The following PPIL4 variants were observed in gnomAD, a reference collection of about 807,000 sequenced individuals.
PPIL4 encodes the protein peptidylprolyl isomerase like 4.
In PPIL4, 50 loss-of-function variants were observed where a neutral mutation model predicts 69.1. That is an observed-to-expected ratio of 0.72 (90% CI 0.58 to 0.92). The LOEUF (loss-of-function observed/expected upper bound fraction) is 0.92, where lower values mean the gene tolerates loss of function less well. Ranked by LOEUF, PPIL4 falls within the 40% of genes least tolerant of loss-of-function variation. The pLI, the probability that PPIL4 is intolerant of heterozygous loss-of-function variation, is 0.00. For missense variants in PPIL4, 480 were observed against 587.9 expected, an observed-to-expected ratio of 0.82 and a Z score of 1.90; for synonymous variants, 193 against 191.6, an observed-to-expected ratio of 1.01 and a Z score of -0.06.
chr6:149,535,311 G>A (rs190132697), intron 5 of PPIL4, among the ~76,000 whole-genome samples: 73 of 152,250 alleles, frequency 4.8e-4, no homozygotes, highest in Non-Finnish European at 9.3e-4. Flanking sequence ...AGCCAAGATC[G>A]CGCCACTGCA....
At chr6:149,525,713 A>G (rs1777096166) in intron 8 of PPIL4, among the ~76,000 whole-genome samples, 1 of 152,218 alleles carries the variant, frequency 6.6e-6, no homozygotes, top group South Asian at 2.1e-4. Context: ...CAGAACTAAT[A>G]TACCATAATA....
intron 4 of PPIL4, among the ~76,000 whole-genome samples, 187 bp downstream of exon 4, chr6:149,540,755 A>G (rs902872135): frequency 1.3e-5 from 2 of 152,356 alleles, no homozygotes; most frequent in Admixed American, 6.5e-5. Context: ...TCTTCACAAT[A>G]GGAATGCTTT....
At chr6:149,520,208 T>A (rs1366432877) in intron 10 of PPIL4, among the ~76,000 whole-genome samples, 1 of 152,090 alleles carries the variant, frequency 6.6e-6, no homozygotes, top group Non-Finnish European at 1.5e-5. Context: ...TTTTCCTTTT[T>A]AAAAGGAGAA....
intron 11 of PPIL4, among the ~76,000 whole-genome samples, chr6:149,513,587 C>T (rs1489134088): frequency 6.7e-6 from 1 of 149,986 alleles, no homozygotes; most frequent in Non-Finnish European, 1.5e-5. Flanking sequence ...ATAAATGCTA[C>T]AGAAAAAACC....
intron 10 of PPIL4, among the ~76,000 whole-genome samples, chr6:149,520,357 A>G (rs913990876): frequency 6.6e-6 from 1 of 152,138 alleles, no homozygotes; most frequent in African/African-American, 2.4e-5. Flanking sequence ...CTACCTTTCC[A>G]TGGACCTTTT....
rs60910760 is a variant in PPIL4 at position 149,541,662 on chromosome 6, T to C, written c.71-76A>G. 9.3e-3 allele frequency: 7,803 copies of C among 840,194 alleles called. 427 individuals are homozygous for C. The African/African-American group carries it at 0.11, about 12-fold the overall frequency. The allele number at this position is 840,194 out of a possible 1,614,324, so 52.0% of individuals were successfully genotyped here. On this transcript the variant is annotated intron_variant, in intron 1 of 12. Coordinates refer to ENST00000253329, the MANE Select transcript of PPIL4 (RefSeq NM_139126.4). ...TTAAATAAGTAAAGCCACAGTAAAA[T>C]GTAATTTCTAAATTACTATTAAAAG... is the stretch of plus-strand genomic sequence containing the variant.
At chr6:149,545,812 G>A in intron 1 of PPIL4, 124 bp downstream of exon 1, 1 of 851,632 alleles carries the variant, frequency 1.2e-6, no homozygotes, top group African/African-American at 1.7e-5. Context: ...TAGCCCAGTC[G>A]CGGGCACCAG....
At chr6:149,520,415 T>C (rs1777010989) in intron 10 of PPIL4, among the ~76,000 whole-genome samples, 1 of 152,170 alleles carries the variant, frequency 6.6e-6, no homozygotes, top group Admixed American at 6.5e-5. Flanking sequence ...AAATTTAAGT[T>C]GTGCACCTAA....
chr6:149,510,271 C>T (rs1390864773), intron 12 of PPIL4, among the ~76,000 whole-genome samples: 1 of 151,806 alleles, frequency 6.6e-6, no homozygotes, highest in South Asian at 2.1e-4. Flanking sequence ...AAATCAATAA[C>T]CCATAAAACA....
intron 1 of PPIL4, 149 bp downstream of exon 1, chr6:149,545,787 G>A (rs1583214906): frequency 2.8e-6 from 2 of 707,786 alleles, no homozygotes; most frequent in East Asian, 5.6e-5. Flanking sequence ...TTCTAGCCAA[G>A]GCCGGTTAAT....
At chr6:149,530,371 G>T (rs1025439838) in intron 7 of PPIL4, among the ~76,000 whole-genome samples, 1 of 152,194 alleles carries the variant, frequency 6.6e-6, no homozygotes, top group East Asian at 1.9e-4. Context: ...GTTAAGAAGG[G>T]AGGGCTCAGG....
chr6:149,527,485 T>C (rs1338220038), intron 7 of PPIL4, among the ~76,000 whole-genome samples: 1 of 152,170 alleles, frequency 6.6e-6, no homozygotes, highest in African/African-American at 2.4e-5. Context: ...CAAAGACCAA[T>C]TTTACCCCTA....
intron 6 of PPIL4, among the ~76,000 whole-genome samples, chr6:149,533,963 C>G (rs1777236841): frequency 6.6e-6 from 1 of 152,056 alleles, no homozygotes; most frequent in African/African-American, 2.4e-5. Context: ...CGAGACCAGC[C>G]TGGCCAACAC....
chr6:149,527,951 T>C (rs1313731090), intron 7 of PPIL4, among the ~76,000 whole-genome samples: 2 of 152,148 alleles, frequency 1.3e-5, no homozygotes, highest in African/African-American at 4.8e-5. Context: ...AAAGACAACA[T>C]TATGTCCAAT....
chr6:149,543,110 C>T (rs1191886899), intron 1 of PPIL4, among the ~76,000 whole-genome samples: 1 of 152,138 alleles, frequency 6.6e-6, no homozygotes, highest in African/African-American at 2.4e-5. Context: ...AATTTATAAG[C>T]GCAACAAGGC....
chr6:149,539,903 G>A (rs993759173), intron 4 of PPIL4, among the ~76,000 whole-genome samples: 1 of 152,156 alleles, frequency 6.6e-6, no homozygotes, highest in African/African-American at 2.4e-5. Flanking sequence ...GCCAAGGCAG[G>A]TGGATCACCT....
intron 7 of PPIL4, among the ~76,000 whole-genome samples, chr6:149,527,968 T>C (rs1777136730): frequency 6.6e-6 from 1 of 152,150 alleles, no homozygotes; most frequent in South Asian, 2.1e-4. Flanking sequence ...CAATAAGAAG[T>C]ATCACAGCCA....
intron 4 of PPIL4, among the ~76,000 whole-genome samples, 156 bp downstream of exon 4, chr6:149,540,786 A>G (rs1045133566): frequency 6.6e-6 from 1 of 152,218 alleles, no homozygotes; most frequent in African/African-American, 2.4e-5. Context: ...GAAGAAAATA[A>G]TATTTTTTAA....
intron 7 of PPIL4, 52 bp downstream of exon 7, chr6:149,533,402 CAGTA>C (rs1422438933): frequency 5.4e-6 from 5 of 928,306 alleles, no homozygotes; most frequent in East Asian, 5.0e-5. Context: ...AATAAACACT[CAGTA>C]AGTATTATTA....
Sources: allele counts gnomAD v4.1 joint callset (sites outside exome capture counted in the v4.1 genomes callset), GRCh38; gene constraint gnomAD v4.1.1; transcripts MANE v1.5; gene names NCBI Gene and HGNC (gene_info 2026-07-23, HGNC 2026-07-21).